ACSL1: variants seen among roughly 807,000 people sequenced by gnomAD.
The protein encoded by ACSL1 is long-chain-fatty-acid--CoA ligase 1.
In ACSL1, 41 loss-of-function variants were observed where a neutral mutation model predicts 98.4. That is an observed-to-expected ratio of 0.42 (90% CI 0.32 to 0.54). The LOEUF is 0.54. ACSL1 is among the 20% of genes least tolerant of loss of function. ACSL1 has a pLI of 0.13. For missense variants in ACSL1, 734 were observed against 883.1 expected, an observed-to-expected ratio of 0.83 and a Z score of 2.14; for synonymous variants, 316 against 322.7, an observed-to-expected ratio of 0.98 and a Z score of 0.22.
intron 1 of ACSL1, among the ~76,000 whole-genome samples, chr4:184,804,235 A>G (rs1454608570): frequency 1.3e-5 from 2 of 152,252 alleles, no homozygotes; most frequent in African/African-American, 2.4e-5. Context: ...CCAGATATCT[A>G]AAGAGGGAAT....
At chr4:184,778,909 A>C (rs1302210455) in intron 5 of ACSL1, among the ~76,000 whole-genome samples, 1 of 151,968 alleles carries the variant, frequency 6.6e-6, no homozygotes, top group Non-Finnish European at 1.5e-5. Flanking sequence ...CCCTTGAAAG[A>C]CCACAAAACT....
chr4:184,809,739 T>C (rs766359541), intron 1 of ACSL1, among the ~76,000 whole-genome samples: 2 of 152,156 alleles, frequency 1.3e-5, no homozygotes, highest in African/African-American at 2.4e-5. Context: ...GAGCTTGCAG[T>C]AAGCTGAGAT....
At position 184,803,519 on chromosome 4, in the gene ACSL1, C is replaced by A; in HGVS notation, c.-5G>T. ...GAACAGCTCATGGGCTTGCATTGTCCTGTGTTGATAGTTCTCTAAGCTGAA... is the reference window on the plus strand; with the variant it reads ...GAACAGCTCATGGGCTTGCATTGTCATGTGTTGATAGTTCTCTAAGCTGAA... On this transcript the variant is annotated 5_prime_UTR_variant, in exon 2 of 21. In the 5' UTR this introduces an upstream ATG that the reference lacks. Transcript: ENST00000281455. This position sits in a 1 kb window ranked among gnomAD's most constrained non-coding sequence, Gnocchi z 4.8. 6.5e-7 allele frequency: 1 copy of A among 1,539,412 alleles called. No individual in the cohort carries two copies. Among genetic ancestry groups the A allele is most frequent in the South Asian group, 1.2e-5 (1 of 81,336 alleles).
intron 1 of ACSL1, chr4:184,813,810 T>C (rs1369863446): frequency 2.2e-6 from 1 of 455,790 alleles, no homozygotes. Context: ...CCTTTCACAG[T>C]AGCCAGAGCT....
At position 184,760,429 on chromosome 4, in the gene ACSL1, A is replaced by G. The variant is rs369106198; in HGVS notation, c.1710T>C (p.Pro570=). 326 of 1,614,018 alleles carry G rather than the reference A, an allele frequency of 2.0e-4. No homozygotes were observed. Among genetic ancestry groups the G allele is most frequent in the Non-Finnish European group, 2.7e-4 (321 of 1,180,020 alleles). Reference sequence around the variant, plus strand: ...GCATGTAGATATTTTCAATCTTTTCAGGGGCTATGTATTCTCCTTGTGCCA... The same window carrying G: ...GCATGTAGATATTTTCAATCTTTTCGGGGGCTATGTATTCTCCTTGTGCCA... ...FKLAQGEYIA[P]EKIENIYMRS... Residue 570 remains proline (P), a synonymous_variant, in exon 18 of 21, where the codon CCT becomes CCC. Transcript: ENST00000281455.
intron 1 of ACSL1, chr4:184,805,373 G>T: frequency 1.6e-6 from 1 of 631,750 alleles, no homozygotes; most frequent in Non-Finnish European, 2.0e-6. Flanking sequence ...CTGCTACAAT[G>T]AATCCATGTA....
intron 7 of ACSL1, among the ~76,000 whole-genome samples, chr4:184,775,212 G>A (rs976989486): frequency 5.9e-5 from 9 of 152,046 alleles, no homozygotes; most frequent in Non-Finnish European, 1.0e-4. Context: ...GCAGTGGGGC[G>A]ATCTCTTCAC....
In ACSL1 at chr4:184,768,432, C is replaced by T. The variant is rs1763961165; in HGVS notation, c.1012G>A (p.Gly338Arg). Residue 338 changes from glycine to arginine, a missense_variant, in exon 12 of 21, where the codon GGA becomes AGA. By Grantham distance (125) the Gly-to-Arg change is moderately radical (BLOSUM62 -2). Transcript: ENST00000281455. ...RVVECVMLCH[G>R]AKIGFFQGDI... ...CCTTGGAAAAATCCGATTTTAGCTC[C>T]ATGACACAGCATTACACACTATAGG... The T allele has an allele frequency of 6.2e-7, 1 of 1,613,548 alleles. No homozygotes were observed. The highest frequency in any genetic ancestry group is 8.5e-7 in the Non-Finnish European group (1 of 1,179,908).
At chr4:184,787,922 C>G (rs1246593563) in intron 3 of ACSL1, among the ~76,000 whole-genome samples, 1 of 151,734 alleles carries the variant, frequency 6.6e-6, no homozygotes, top group East Asian at 1.9e-4. Context: ...AGTCCCAGTG[C>G]TTTGGGAGGC....
At chr4:184,796,365 C>T (rs1293996996) in intron 2 of ACSL1, among the ~76,000 whole-genome samples, 1 of 152,168 alleles carries the variant, frequency 6.6e-6, no homozygotes, top group Admixed American at 6.5e-5. Context: ...AGCTCTGTCC[C>T]TCTAGAGAAC....
intron 17 of ACSL1, among the ~76,000 whole-genome samples, chr4:184,762,182 C>G (rs1762955845): frequency 6.6e-6 from 1 of 150,954 alleles, no homozygotes; most frequent in African/African-American, 2.4e-5. Flanking sequence ...AGCATCAGAA[C>G]AAAACATATT....
rs565512701 is a variant in ACSL1 at position 184,807,641 on chromosome 4, C to T, written c.-32-4095G>A. Among the ~76,000 whole-genome samples, 6 of 152,312 alleles carry T rather than the reference C, an allele frequency of 3.9e-5. No homozygotes were observed. In the South Asian group the frequency reaches 6.2e-4, roughly 16 times the overall value. The stretch of plus-strand genomic sequence containing the variant: ...GCAGGGTGATGGAAACTGAACTGCA[C>T]GGACTGTCAGAAACCAAAATCCTGG... On this transcript the variant is annotated intron_variant, in intron 1 of 20. Coordinates refer to ENST00000281455, the MANE Select transcript of ACSL1 (RefSeq NM_001995.5).
chr4:184,773,957 T>C lies in ACSL1; in HGVS notation c.757-82A>G, dbSNP rs977180737. On this transcript the variant is annotated intron_variant, in intron 7 of 20. Coordinates refer to ENST00000281455, the MANE Select transcript of ACSL1 (RefSeq NM_001995.5). The surrounding 1 kb of genome is among the most constrained non-coding windows in gnomAD (Gnocchi z 4.3). ...AAGGTCACATCGAGTCACTTAAAGC[T>C]GGCTTTACTGTGGGGTTCATTCACA... The C allele has an allele frequency of 2.7e-6, 4 of 1,505,866 alleles. No individual in the cohort carries two copies. The African/African-American group carries it at 4.1e-5, about 16-fold the overall frequency. The allele number at this position is 1,505,866 out of a possible 1,614,324, so 93.3% of individuals were successfully genotyped here.
intron 6 of ACSL1, 85 bp downstream of exon 6, chr4:184,776,799 T>C (rs1765360055): frequency 2.0e-6 from 3 of 1,520,822 alleles, no homozygotes; most frequent in Non-Finnish European, 2.7e-6. Context: ...GTAAAATCTT[T>C]GTCAAATCAA....
chr4:184,804,027 A>T (rs1770990373), intron 1 of ACSL1, among the ~76,000 whole-genome samples: 1 of 152,232 alleles, frequency 6.6e-6, no homozygotes, highest in Non-Finnish European at 1.5e-5. Context: ...CAGATCTCAG[A>T]ACAAGTTCCC....
At chr4:184,768,155 G>T in intron 12 of ACSL1, 161 bp downstream of exon 12, 1 of 700,782 alleles carries the variant, frequency 1.4e-6, no homozygotes, top group Non-Finnish European at 2.2e-6. Context: ...ACTCTGAGAG[G>T]TAAACGCATT....
At position 184,807,570 on chromosome 4, in the gene ACSL1, C is replaced by T. The variant is rs545346302; in HGVS notation, c.-32-4024G>A. ...ACAAGCCCAGTGTAAAGATCCAGCA[C>T]AGGAGATTCCTTTAAATAGACCTGG... is the stretch of plus-strand genomic sequence containing the variant. On this transcript the variant is annotated intron_variant, in intron 1 of 20. Coordinates refer to ENST00000281455, the MANE Select transcript of ACSL1 (RefSeq NM_001995.5). 4.5e-4 allele frequency among the ~76,000 whole-genome samples: 68 copies of T among 152,322 alleles called. 1 individual carries two copies. The highest frequency in any genetic ancestry group is 1.6e-3 in the African/African-American group (66 of 41,566).
At chr4:184,767,950 T>C (rs932799000) in intron 12 of ACSL1, 2 of 357,830 alleles carry the variant, frequency 5.6e-6, no homozygotes, top group African/African-American at 4.2e-5. Context: ...TAGTTACTAT[T>C]CTTACGTGAT....
intron 3 of ACSL1, among the ~76,000 whole-genome samples, chr4:184,788,197 CA>C (rs1375455611): frequency 2.0e-5 from 3 of 152,116 alleles, no homozygotes; most frequent in Non-Finnish European, 4.4e-5. Flanking sequence ...TCCCATGAGC[CA>C]ACATTTCCCA....
Sources: allele counts gnomAD v4.1 joint callset (sites outside exome capture counted in the v4.1 genomes callset), GRCh38; gene constraint gnomAD v4.1.1; non-coding constraint Gnocchi (gnomAD v3.1); transcripts MANE v1.5; gene names NCBI Gene and HGNC (gene_info 2026-07-23, HGNC 2026-07-21).